FAM120C: variants seen among roughly 807,000 people sequenced by gnomAD.
The protein encoded by FAM120C is constitutive coactivator of PPAR-gamma-like protein 2.
In FAM120C, 14 loss-of-function variants were observed where a neutral mutation model predicts 71.2. The ratio of observed to expected loss-of-function variants is 0.20; its 90% CI spans 0.13 to 0.31. The LOEUF (loss-of-function observed/expected upper bound fraction) is 0.31. Ranked by LOEUF, FAM120C falls within the 10% of genes least tolerant of loss-of-function variation. The pLI is 1.00. For synonymous variants in FAM120C, 354 were observed against 353.2 expected, an observed-to-expected ratio of 1.00 and a Z score of -0.03; for missense variants, 500 against 879.0, an observed-to-expected ratio of 0.57 and a Z score of 5.45.
chrX:54,165,457 T>C (rs781918518), intron 1 of FAM120C, among the ~76,000 whole-genome samples: 5 of 111,658 alleles, frequency 4.5e-5, no homozygotes, highest in Non-Finnish European at 9.4e-5. Context: ...CATGGATCCA[T>C]ACTTCACACT....
At chrX:54,167,241 A>G (rs2067264000) in intron 1 of FAM120C, among the ~76,000 whole-genome samples, 1 of 112,186 alleles carries the variant, frequency 8.9e-6, no homozygotes, top group African/African-American at 3.2e-5. Flanking sequence ...GCCAACAATG[A>G]CCGTCAGAAT....
chrX:54,164,349 G>GT (rs2067249880), intron 1 of FAM120C, among the ~76,000 whole-genome samples: 1 of 112,078 alleles, frequency 8.9e-6, no homozygotes, highest in South Asian at 3.7e-4. Context: ...GTTATACAAC[G>GT]TATCTCCAGA....
At chrX:54,105,775 C>T (rs1478969866) in intron 10 of FAM120C, among the ~76,000 whole-genome samples, 1 of 111,044 alleles carries the variant, frequency 9.0e-6, no homozygotes, top group African/African-American at 3.3e-5. Context: ...AACAGACAAA[C>T]AGAGCCAAAT....
chrX:54,139,986 T>C (rs1220127510), intron 4 of FAM120C, among the ~76,000 whole-genome samples: 2 of 111,163 alleles, frequency 1.8e-5, no homozygotes, highest in East Asian at 2.8e-4. Context: ...CTGAATTTCA[T>C]GTAACTATTT....
rs1438167486 is a variant in FAM120C at position 54,129,240 on chromosome X, C to T, written c.2062+3452G>A. Among the ~76,000 whole-genome samples the T allele has an allele frequency of 5.3e-3, 562 of 106,782 alleles. 3 individuals are homozygous for T. Among genetic ancestry groups the T allele is most frequent in the African/African-American group, 0.019 (547 of 29,218 alleles). The allele number at this position is 106,782 out of a possible 115,157, so 92.7% of individuals were successfully genotyped here. ...CTTCCCAGACGGGGTGGCTGCCGGG[C>T]GGAGGGGCTCCTCACTTCTCAGACG... is the stretch of plus-strand genomic sequence containing the variant. On this transcript the variant is annotated intron_variant, in intron 9 of 15. Coordinates refer to ENST00000375180, the MANE Select transcript of FAM120C (RefSeq NM_017848.6).
chrX:54,145,046 A>G (rs1273427801), intron 4 of FAM120C, among the ~76,000 whole-genome samples: 1 of 112,140 alleles, frequency 8.9e-6, no homozygotes, highest in Non-Finnish European at 1.9e-5. Flanking sequence ...GACAAACCTG[A>G]CAAAAACAAG....
chrX:54,182,495 C>A lies in FAM120C; in HGVS notation c.699+5G>T. ...TTATTATTTAAGATCCGGCCCCTCC[C>A]TCACCTTGACCCGGAAGCGGATGAG... On this transcript the variant is annotated splice_donor_5th_base_variant and intron_variant, in intron 1 of 15. Coordinates refer to ENST00000375180, the MANE Select transcript of FAM120C (RefSeq NM_017848.6). The A allele has an allele frequency of 8.3e-7, 1 of 1,204,605 alleles. No homozygotes were observed.
At chrX:54,104,509 T>TTCTTAAAAAC (rs1180345660) in intron 10 of FAM120C, among the ~76,000 whole-genome samples, 1 of 111,882 alleles carries the variant, frequency 8.9e-6, no homozygotes, top group African/African-American at 3.2e-5. Flanking sequence ...CCATTTTGTC[T>TTCTTAAAAAC]TCTTAAAAAC....
intron 15 of FAM120C, among the ~76,000 whole-genome samples, chrX:54,079,289 A>C (rs1569531396): frequency 9.2e-6 from 1 of 108,545 alleles, no homozygotes; most frequent in Non-Finnish European, 1.9e-5. Context: ...AAAAAGAAAA[A>C]CTTAGCAGGG....
intron 10 of FAM120C, among the ~76,000 whole-genome samples, chrX:54,092,464 A>C (rs1321537134): frequency 9.1e-6 from 1 of 110,458 alleles, no homozygotes; most frequent in Non-Finnish European, 1.9e-5. Flanking sequence ...ACAATCGCTT[A>C]AACCTGGGAG....
chrX:54,180,425 T>C (rs2067342195), intron 1 of FAM120C, among the ~76,000 whole-genome samples: 1 of 112,340 alleles, frequency 8.9e-6, no homozygotes, highest in African/African-American at 3.2e-5. Context: ...TATTATCTCT[T>C]TCACTAAACC....
chrX:54,144,249 T>G (rs1322068730), intron 4 of FAM120C, among the ~76,000 whole-genome samples: 1 of 110,927 alleles, frequency 9.0e-6, no homozygotes, highest in African/African-American at 3.3e-5. Flanking sequence ...CTTTGAAAAC[T>G]GGCACAAGAC....
At chrX:54,162,333 CTCTT>C (rs1557134526) in intron 1 of FAM120C, among the ~76,000 whole-genome samples, 3 of 111,879 alleles carry the variant, frequency 2.7e-5, no homozygotes, top group Non-Finnish European at 5.6e-5. Context: ...CTTACTGCCT[CTCTT>C]TCCCAATGTT....
At chrX:54,087,717 G>A in intron 12 of FAM120C, 38 bp downstream of exon 12, 1 of 1,163,905 alleles carries the variant, frequency 8.6e-7, no homozygotes, top group Non-Finnish European at 1.2e-6. Flanking sequence ...TCCCACAGGA[G>A]ATCAGAGCTA....
chrX:54,170,916 A>G (rs1399370550), intron 1 of FAM120C, among the ~76,000 whole-genome samples: 1 of 111,615 alleles, frequency 9.0e-6, no homozygotes, highest in Non-Finnish European at 1.9e-5. Context: ...GGTATCATGA[A>G]AAGTATTCTT....
At chrX:54,113,268 C>T (rs1338651703) in intron 10 of FAM120C, among the ~76,000 whole-genome samples, 16 of 108,753 alleles carry the variant, frequency 1.5e-4, no homozygotes, top group African/African-American at 5.4e-4. Context: ...TCAAGACCAG[C>T]CTGGCCAACA....
chrX:54,077,975 G>A (rs1399285718), intron 15 of FAM120C, among the ~76,000 whole-genome samples: 1 of 74,561 alleles, frequency 1.3e-5, no homozygotes, highest in Non-Finnish European at 2.4e-5. Flanking sequence ...ACGGAGTCTC[G>A]CTCTGTCGCC....
chrX:54,110,265 G>A (rs2066929819), intron 10 of FAM120C, among the ~76,000 whole-genome samples: 1 of 109,007 alleles, frequency 9.2e-6, no homozygotes, highest in African/African-American at 3.3e-5. Context: ...TGGGATGACA[G>A]GCATAAACCA....
At chrX:54,132,920 C>A in intron 8 of FAM120C, 57 bp from the exon 9 acceptor site, 1 of 1,017,339 alleles carries the variant, frequency 9.8e-7, no homozygotes, top group Non-Finnish European at 1.3e-6. Flanking sequence ...AGGTTTAGAA[C>A]TGAGCTGAGA....
Sources: allele counts gnomAD v4.1 joint callset (sites outside exome capture counted in the v4.1 genomes callset), GRCh38; gene constraint gnomAD v4.1.1; transcripts MANE v1.5; gene names NCBI Gene and HGNC (gene_info 2026-07-23, HGNC 2026-07-21).